The following TFR2 variants were observed in gnomAD, a reference collection of about 807,000 sequenced individuals.
TFR2 encodes transferrin receptor protein 2.
In TFR2, 64 loss-of-function variants were observed where a neutral mutation model predicts 91.9. That is an observed-to-expected ratio of 0.70 (90% CI 0.57 to 0.86). The LOEUF (loss-of-function observed/expected upper bound fraction) is 0.86. Among genes scored for constraint, TFR2 ranks in the 40% least tolerant of loss-of-function variants. The probability of loss-of-function intolerance (pLI) is 0.00; values close to 1 mark genes in which losing one functional copy is unlikely to be tolerated. For missense variants in TFR2, 950 were observed against 1,080.5 expected, an observed-to-expected ratio of 0.88 and a Z score of 1.69; for synonymous variants, 454 against 459.6, an observed-to-expected ratio of 0.99 and a Z score of 0.15.
rs754506665 is a variant in TFR2, at chr7:100,633,560, A to G, written c.474-4T>C. ...CCGTTCCCGAAGGCTGGTTTGCCTAAGCGGGGAGAGGTGGGGACTTTTCTG... is the reference window on the plus strand; with the variant it reads ...CCGTTCCCGAAGGCTGGTTTGCCTAGGCGGGGAGAGGTGGGGACTTTTCTG... On this transcript the variant is annotated splice_region_variant and splice_polypyrimidine_tract_variant and intron_variant, in intron 3 of 17. Coordinates refer to ENST00000223051, the MANE Select transcript of TFR2 (RefSeq NM_003227.4). 1 of 1,600,020 alleles carries G rather than the reference A, an allele frequency of 6.2e-7. No individual in the cohort carries two copies. Among genetic ancestry groups the G allele is most frequent in the South Asian group, 1.1e-5 (1 of 90,906 alleles).
At chr7:100,632,306 G>GGAGA (rs1395280539) in intron 6 of TFR2, 108 bp from the exon 7 acceptor site, 1 of 1,047,982 alleles carries the variant, frequency 9.5e-7, no homozygotes, top group East Asian at 2.4e-5. Context: ...TCCATCCCAC[G>GGAGA]GAGAGGATGT....
At chr7:100,633,843 G>A (rs1803520923) in intron 3 of TFR2, among the ~76,000 whole-genome samples, 1 of 151,306 alleles carries the variant, frequency 6.6e-6, no homozygotes, top group African/African-American at 2.4e-5. Context: ...CTCGTATCAG[G>A]GATTACAGGC....
At position 100,631,005 on chromosome 7, in the gene TFR2, A is replaced by G. The variant is rs760716258; in HGVS notation, c.1154T>C (p.Leu385Pro). The G allele has an allele frequency of 2.6e-6, 4 of 1,546,276 alleles. No homozygotes were observed. The highest frequency in any genetic ancestry group is 1.4e-5 in the African/African-American group (1 of 73,590). ...GGGGCCCAGGTGATAAGGGGAGCCT[A>G]GGAGGCTCCCCTGCCATTCTTGGGG... ...VAPQEWQGSL[L>P]GSPYHLGPGP... The change falls in exon 9 of 18, where the codon CTA becomes CCA. Residue 385 changes from leucine to proline, a missense_variant. Transcript: ENST00000223051.
intron 3 of TFR2, among the ~76,000 whole-genome samples, chr7:100,634,216 A>ACAG (rs889523626): frequency 7.0e-6 from 1 of 142,948 alleles, no homozygotes; most frequent in East Asian, 2.0e-4. Context: ...ACACACACAC[A>ACAG]CACAGCACCC....
rs887022319 is a variant in TFR2, at chr7:100,632,114, T to G, written c.934A>C (p.Ser312Arg). The part of the protein sequence containing the change: ...ADFSQDPPKP[S>R]LSSQQAVYGH... ...TACACTGCCTGCTGGCTGGACAGGC[T>G]TGGCTTGGGTGGGTCCTGGGAGAAG... Residue 312 changes from serine to arginine, a missense_variant, in exon 7 of 18, where the codon AGC (serine) becomes CGC (arginine). By Grantham distance (110) the Ser-to-Arg change is moderately radical. Coordinates refer to ENST00000223051, the MANE Select transcript of TFR2 (RefSeq NM_003227.4). 1.9e-6 allele frequency: 3 copies of G among 1,614,132 alleles called. No homozygotes were observed. Among genetic ancestry groups the G allele is most frequent in the Non-Finnish European group, 2.5e-6 (3 of 1,180,024 alleles).
intron 9 of TFR2, 81 bp downstream of exon 9, chr7:100,630,807 GC>G (rs1803409421): frequency 3.8e-6 from 6 of 1,591,790 alleles, no homozygotes; most frequent in Non-Finnish European, 5.1e-6. Flanking sequence ...TCCTGCACCA[GC>G]CCCCTATCTT....
chr7:100,629,473 AC>A, intron 9 of TFR2, 101 bp from the exon 10 acceptor site: 9 of 1,589,296 alleles, frequency 5.7e-6, no homozygotes, highest in Non-Finnish European at 7.7e-6. Flanking sequence ...AATTCCGGCA[AC>A]CCTAGCCCTG....
chr7:100,632,860 C>G (rs1392292870), intron 6 of TFR2, 141 bp downstream of exon 6: 2 of 1,434,988 alleles, frequency 1.4e-6, no homozygotes, highest in African/African-American at 1.4e-5. Context: ...TGAGAACCAT[C>G]GTGCCCAGCT....
intron 11 of TFR2, 21 bp downstream of exon 11, chr7:100,628,203 C>T (rs752025865): frequency 1.2e-6 from 2 of 1,613,800 alleles, no homozygotes; most frequent in East Asian, 2.2e-5. Context: ...GCCTAACGAC[C>T]TGCCCGGGAC....
intron 3 of TFR2, among the ~76,000 whole-genome samples, chr7:100,635,428 A>T (rs1018913276): frequency 1.2e-5 from 1 of 83,320 alleles, no homozygotes; most frequent in Non-Finnish European, 2.3e-5. Context: ...TTTCTTTTTT[A>T]AAAAATTATT....
In TFR2 at chr7:100,620,873, A is replaced by G. The variant is rs1803082527; in HGVS notation, c.2390T>C (p.Ile797Thr). 3 of 1,614,086 alleles carry G rather than the reference A, an allele frequency of 1.9e-6. No homozygotes were observed. Among genetic ancestry groups the G allele is most frequent in the Non-Finnish European group, 2.5e-6 (3 of 1,179,904 alleles). The stretch of plus-strand genomic sequence containing the variant: ...CCCAGGGCCTCAGAAGTTGTTATCA[A>G]TGTTCCAGACATCCCCGCTAAGCGC... ...ANALSGDVWN[I>T]DNNF is the part of the protein sequence containing the mutation. The change falls in exon 18 of 18, where the codon ATT (isoleucine) becomes ACT (threonine). Residue 797 changes from isoleucine to threonine, a missense_variant. Transcript: ENST00000223051.
In TFR2 at chr7:100,627,637, G is replaced by A; in HGVS notation, c.1707C>T (p.Ser569=). Residue 569 remains serine, a synonymous_variant, in exon 15 of 18, where the codon AGC becomes AGT. Transcript: ENST00000223051. ...AEVIRPLPMD[S]SAYSFTAFVG... ...CAAAGGCCGTGAAGGAATAGGCACT[G>A]CTGTCCATGGGTAGGGGCCGGATCC... 6.2e-7 allele frequency: 1 copy of A among 1,614,164 alleles called. No homozygotes were observed. The highest frequency in any genetic ancestry group is 8.5e-7 in the Non-Finnish European group (1 of 1,180,006).
chr7:100,627,994 G>A lies in TFR2; in HGVS notation c.1538-20C>T, dbSNP rs369107718. 1.2e-6 allele frequency: 2 copies of A among 1,613,970 alleles called. No individual in the cohort carries two copies. The highest frequency in any genetic ancestry group is 2.7e-5 in the African/African-American group (2 of 74,892). ...CATCCCCTGGAAAAAGGGGAGGGGAGGGATGCCAGGCTCAGGGCTCAGCCC... is the reference window on the plus strand; with the variant it reads ...CATCCCCTGGAAAAAGGGGAGGGGAAGGATGCCAGGCTCAGGGCTCAGCCC... On this transcript the variant is annotated intron_variant, in intron 12 of 17. Transcript: ENST00000223051.
At chr7:100,633,594 G>C (rs578211014) in intron 3 of TFR2, 38 bp from the exon 4 acceptor site, 6 of 1,577,722 alleles carry the variant, frequency 3.8e-6, no homozygotes, top group Non-Finnish European at 5.1e-6. Flanking sequence ...TGGGCGCCCG[G>C]AGGAGAGGGA....
intron 3 of TFR2, among the ~76,000 whole-genome samples, chr7:100,635,777 T>A (rs192032629): frequency 1.8e-3 from 276 of 152,044 alleles, no homozygotes; most frequent in Non-Finnish European, 3.1e-3. Context: ...TTATTATTAT[T>A]TTTTTAAGAG....
chr7:100,621,036 C>T lies in TFR2; in HGVS notation c.2227G>A (p.Ala743Thr), dbSNP rs750378395. The T allele has an allele frequency of 6.9e-6, 11 of 1,588,536 alleles. No individual in the cohort carries two copies. The highest frequency in any genetic ancestry group is 4.0e-5 in the African/African-American group (3 of 74,246). Reference sequence around the variant, plus strand: ...AGCAGCCGCAGGTGGTCCAGCAGGGCGCCCAGCGTGTGGTCTCCACGGCCC... The same window carrying T: ...AGCAGCCGCAGGTGGTCCAGCAGGGTGCCCAGCGTGTGGTCTCCACGGCCC... ...FMGRGDHTLG[A>T]LLDHLRLLRS... The change falls in exon 18 of 18, where the codon GCC becomes ACC. Residue 743 changes from alanine to threonine, a missense_variant. Coordinates refer to ENST00000223051, the MANE Select transcript of TFR2 (RefSeq NM_003227.4).
At position 100,630,953 on chromosome 7, in the gene TFR2, G is replaced by A. The variant is rs144917130; in HGVS notation, c.1206C>T (p.Asn402=). Residue 402 remains asparagine, a synonymous_variant, in exon 9 of 18, where the codon AAC becomes AAT. Coordinates refer to ENST00000223051, the MANE Select transcript of TFR2 (RefSeq NM_003227.4). The stretch of plus-strand genomic sequence containing the variant: ...TGATGGGGGTGGAGGTCCTGTGATT[G>A]TTGACCACTAGCCGCAGTCGTGGCC... ...GPGPRLRLVV[N]NHRTSTPINN... The A allele has an allele frequency of 3.1e-6, 5 of 1,613,114 alleles. No homozygotes were observed. The South Asian group carries it at 3.3e-5, about 11-fold the overall frequency.
rs977961454 is a variant in TFR2 at position 100,627,139 on chromosome 7, G to A, written c.1995+125C>T. 7.8e-6 allele frequency: 10 copies of A among 1,279,632 alleles called. No homozygotes were observed. In the Admixed American group the frequency reaches 8.0e-5, roughly 10 times the overall value. 79.3% of individuals were successfully genotyped at this position (1,279,632 alleles called of 1,614,324 possible). A position where few individuals can be genotyped will look rare whatever the true frequency, so the allele number is the denominator to read the frequency against. On this transcript the variant is annotated intron_variant, in intron 16 of 17. Transcript: ENST00000223051. ...GGGGCTGGGAGACTGGAGGCAGGGG[G>A]TTAATGGGCTGGATTGCCAGAGAGG...
intron 17 of TFR2, among the ~76,000 whole-genome samples, chr7:100,624,061 TAAAG>T (rs1161334989): frequency 6.6e-5 from 10 of 151,468 alleles, no homozygotes; most frequent in East Asian, 1.9e-4. Context: ...CTCCAAAAAA[TAAAG>T]AAAGAAAAAT....
Sources: gnomAD v4.1 joint callset for allele counts (sites outside exome capture counted in the v4.1 genomes callset) on GRCh38, gnomAD v4.1.1 for gene constraint, MANE v1.5 for transcripts, NCBI Gene and HGNC (gene_info 2026-07-23, HGNC 2026-07-21) for gene names.